SPMIP2: variants seen among roughly 807,000 people sequenced by gnomAD.
SPMIP2 encodes the protein sperm microtubule inner protein 2, also known as protein SPMIP2.
chr4:159,037,783 T>TACACACACACAC, the SPMIP2 span, among the ~76,000 whole-genome samples: 3 of 97,602 alleles, frequency 3.1e-5, no homozygotes, highest in African/African-American at 1.1e-4. Context: ...AAAAACAATA[T>TACACACACACAC]ATACACACAC....
At chr4:158,991,019 T>A in the SPMIP2 span, among the ~76,000 whole-genome samples, 2 of 152,164 alleles carry the variant, frequency 1.3e-5, no homozygotes, top group South Asian at 4.1e-4. Flanking sequence ...TTCAAATGAT[T>A]CTCCTGTCTC....
At chr4:158,899,057 TGTTGA>T in the SPMIP2 span, among the ~76,000 whole-genome samples, 1 of 152,172 alleles carries the variant, frequency 6.6e-6, no homozygotes, top group Non-Finnish European at 1.5e-5. Context: ...CTTGAAGTGG[TGTTGA>T]GTTTTGTCGA....
chr4:159,007,011 T>C, the SPMIP2 span: 4 of 416,574 alleles, frequency 9.6e-6, no homozygotes, highest in Non-Finnish European at 1.9e-5. Context: ...GTTCTAATAT[T>C]GTCCTGTGAA....
the SPMIP2 span, among the ~76,000 whole-genome samples, chr4:158,969,375 G>C: frequency 6.6e-6 from 1 of 152,088 alleles, no homozygotes; most frequent in Non-Finnish European, 1.5e-5. Context: ...TATATAGTTT[G>C]ATAAAGACCA....
At chr4:158,901,286 C>T in the SPMIP2 span, among the ~76,000 whole-genome samples, 2 of 152,034 alleles carry the variant, frequency 1.3e-5, no homozygotes, top group East Asian at 1.9e-4. Flanking sequence ...GCGTGTGCCA[C>T]GAAAATTCTT....
chr4:159,012,198 G>A, the SPMIP2 span, among the ~76,000 whole-genome samples: 1 of 152,286 alleles, frequency 6.6e-6, no homozygotes, highest in East Asian at 1.9e-4. Flanking sequence ...GAGCCCAGGA[G>A]TTCAAGACCA....
chr4:158,948,850 T>C, the SPMIP2 span, among the ~76,000 whole-genome samples: 1 of 152,086 alleles, frequency 6.6e-6, no homozygotes, highest in South Asian at 2.1e-4. Flanking sequence ...GTAATTCAAC[T>C]GCCATGGCTT....
the SPMIP2 span, among the ~76,000 whole-genome samples, chr4:158,992,774 G>A: frequency 6.6e-6 from 1 of 152,284 alleles, no homozygotes; most frequent in South Asian, 2.1e-4. Flanking sequence ...GCAGGTGGAA[G>A]GACAAGCAAG....
the SPMIP2 span, chr4:158,973,101 A>C: frequency 5.0e-6 from 8 of 1,595,402 alleles, no homozygotes; most frequent in Non-Finnish European, 6.0e-6. Flanking sequence ...GCCACTCCCC[A>C]GTCTTGATTT....
At chr4:158,983,302 T>A in the SPMIP2 span, among the ~76,000 whole-genome samples, 3 of 151,474 alleles carry the variant, frequency 2.0e-5, no homozygotes, top group Non-Finnish European at 4.4e-5. Flanking sequence ...ATTCAGGAAA[T>A]ACAGAGAACG....
At chr4:159,002,078 T>C in the SPMIP2 span, among the ~76,000 whole-genome samples, 1 of 152,140 alleles carries the variant, frequency 6.6e-6, no homozygotes, top group South Asian at 2.1e-4. Flanking sequence ...TGATCAGTGA[T>C]ATTGAGCTTT....
At chr4:158,928,428 C>T in the SPMIP2 span, among the ~76,000 whole-genome samples, 50 of 151,796 alleles carry the variant, frequency 3.3e-4, no homozygotes, top group Admixed American at 8.5e-4. Context: ...ATGCACCAAT[C>T]GACACTCTGT....
At chr4:158,962,381 G>T in the SPMIP2 span, among the ~76,000 whole-genome samples, 1 of 152,062 alleles carries the variant, frequency 6.6e-6, no homozygotes, top group Non-Finnish European at 1.5e-5. Context: ...CTTCTAGAAA[G>T]AACAATTTTC....
At chr4:159,068,648 C>T in the SPMIP2 span, among the ~76,000 whole-genome samples, 7 of 149,174 alleles carry the variant, frequency 4.7e-5, no homozygotes, top group Non-Finnish European at 3.0e-5. Context: ...TACTCTAAAA[C>T]TTAAAGTATA....
At chr4:159,056,594 C>G in the SPMIP2 span, among the ~76,000 whole-genome samples, 322 of 152,264 alleles carry the variant, frequency 2.1e-3, 1 homozygote, top group Non-Finnish European at 3.3e-3. Context: ...GTGACTCTTG[C>G]ATGCAGCAAA....
At chr4:158,949,119 T>C in the SPMIP2 span, among the ~76,000 whole-genome samples, 3 of 152,346 alleles carry the variant, frequency 2.0e-5, no homozygotes, top group South Asian at 6.2e-4. Context: ...TTCTAGACCA[T>C]ACTGAATCTT....
the SPMIP2 span, among the ~76,000 whole-genome samples, chr4:158,976,889 T>C: frequency 6.6e-6 from 1 of 152,032 alleles, no homozygotes; most frequent in Non-Finnish European, 1.5e-5. Flanking sequence ...CTCAATCTCT[T>C]GACCTTGTGA....
chr4:159,061,092 A>ATAT, the SPMIP2 span, among the ~76,000 whole-genome samples: 2 of 143,972 alleles, frequency 1.4e-5, no homozygotes, highest in South Asian at 2.1e-4. Context: ...CTCAAAAAAA[A>ATAT]AAATATATAT....
the SPMIP2 span, among the ~76,000 whole-genome samples, chr4:159,017,471 C>T: frequency 6.6e-6 from 1 of 152,016 alleles, no homozygotes; most frequent in East Asian, 1.9e-4. Flanking sequence ...GAGACAGAGT[C>T]TCACTTCATT....
Sources: gnomAD v4.1 joint callset for allele counts (sites outside exome capture counted in the v4.1 genomes callset) on GRCh38, gnomAD v4.1.1 for gene constraint, MANE v1.5 for transcripts, NCBI Gene and HGNC (gene_info 2026-07-23, HGNC 2026-07-21) for gene names.